FIGN: variants seen among roughly 807,000 people sequenced by gnomAD.
FIGN encodes the protein fidgetin.
FIGN carries 11 observed loss-of-function variants against 51.3 expected under a neutral mutation model. The ratio of observed to expected loss-of-function variants is 0.21; its 90% CI spans 0.13 to 0.35. The LOEUF is 0.35. Ranked by LOEUF, FIGN falls within the 10% of genes least tolerant of loss-of-function variation. The probability of loss-of-function intolerance (pLI) is 1.00; values close to 1 mark genes in which losing one functional copy is unlikely to be tolerated. For synonymous variants in FIGN, 407 were observed against 363.2 expected (o/e 1.12, Z -1.37); for missense variants, 857 against 943.6 (o/e 0.91, Z 1.20).
At chr2:163,723,355 A>G (rs1176571513) in intron 2 of FIGN, among the ~76,000 whole-genome samples, 2 of 152,176 alleles carry the variant, frequency 1.3e-5, no homozygotes, top group African/African-American at 2.4e-5. Context: ...AATGAATTAG[A>G]TGTGTGTGCT....
rs568599716 is a variant in FIGN, at chr2:163,630,103, G to A, written c.26-18297C>T. ...AGCCTCCCAAGTAGCCAGGAATACA[G>A]ACAGGCACATGCTACCCATGCCTAG... On this transcript the variant is annotated intron_variant, in intron 2 of 2. Coordinates refer to ENST00000333129, the MANE Select transcript of FIGN (RefSeq NM_018086.4). 2.0e-5 allele frequency among the ~76,000 whole-genome samples: 3 copies of A among 151,586 alleles called. No individual in the cohort carries two copies. In the South Asian group the frequency reaches 6.3e-4, roughly 32 times the overall value.
At chr2:163,702,292 C>G (rs1684420707) in intron 2 of FIGN, among the ~76,000 whole-genome samples, 1 of 152,098 alleles carries the variant, frequency 6.6e-6, no homozygotes, top group Non-Finnish European at 1.5e-5. Context: ...TCCACAAAAC[C>G]AGGATCTGCA....
At chr2:163,720,170 T>C (rs1684734293) in intron 2 of FIGN, among the ~76,000 whole-genome samples, 4 of 152,338 alleles carry the variant, frequency 2.6e-5, no homozygotes, top group Admixed American at 2.0e-4. Flanking sequence ...ATTGCTTAAA[T>C]GATTTATACC....
chr2:163,632,533 A>G (rs1683161104), intron 2 of FIGN, among the ~76,000 whole-genome samples: 1 of 152,228 alleles, frequency 6.6e-6, no homozygotes, highest in South Asian at 2.1e-4. Context: ...CTGCGGGGAG[A>G]GACCTGGAGA....
chr2:163,660,682 T>C (rs1197568631), intron 2 of FIGN, among the ~76,000 whole-genome samples: 2 of 128,696 alleles, frequency 1.6e-5, no homozygotes, highest in African/African-American at 5.9e-5. Flanking sequence ...TATATATATA[T>C]ATACACATAT....
chr2:163,620,962 G>C (rs1682959581), intron 2 of FIGN, among the ~76,000 whole-genome samples: 1 of 151,292 alleles, frequency 6.6e-6, no homozygotes, highest in African/African-American at 2.4e-5. Flanking sequence ...AACACACCAA[G>C]CTGAAAACGG....
intron 2 of FIGN, among the ~76,000 whole-genome samples, chr2:163,714,294 T>C (rs943520681): frequency 6.6e-6 from 1 of 152,178 alleles, no homozygotes; most frequent in Non-Finnish European, 1.5e-5. Context: ...GCAGACAGGA[T>C]TTACCAGACT....
At position 163,603,108 on chromosome 2, in the gene FIGN, G is replaced by C. The variant is rs1422296325; in HGVS notation, c.*6444C>G. On this transcript the variant is annotated 3_prime_UTR_variant, in exon 3 of 3. Transcript: ENST00000333129. ...CAAATTATATGAATTCATTTTGCAAGTGATGGATAATTTAAGCTTTCATCA... is the reference window on the plus strand; with the variant it reads ...CAAATTATATGAATTCATTTTGCAACTGATGGATAATTTAAGCTTTCATCA... 6.6e-6 allele frequency: 1 copy of C among 152,038 alleles called. No homozygotes were observed. 9.4% of individuals were successfully genotyped at this position (152,038 alleles called of 1,614,324 possible). A position where few individuals can be genotyped will look rare whatever the true frequency, so the allele number is the denominator to read the frequency against.
chr2:163,649,030 G>A (rs1488021409), intron 2 of FIGN, among the ~76,000 whole-genome samples: 1 of 151,964 alleles, frequency 6.6e-6, no homozygotes, highest in African/African-American at 2.4e-5. Context: ...TCTTAATGAG[G>A]TACTCTATTC....
chr2:163,639,698 TAAC>T (rs1252818233), intron 2 of FIGN, among the ~76,000 whole-genome samples: 1 of 152,120 alleles, frequency 6.6e-6, no homozygotes. Context: ...GTTACATCAT[TAAC>T]AACAACAACA....
At chr2:163,713,249 C>T (rs1282208707) in intron 2 of FIGN, among the ~76,000 whole-genome samples, 1 of 152,140 alleles carries the variant, frequency 6.6e-6, no homozygotes, top group East Asian at 1.9e-4. Context: ...ACAAGTAGCA[C>T]ATATGATCAG....
At chr2:163,706,149 G>A (rs1248359077) in intron 2 of FIGN, among the ~76,000 whole-genome samples, 1 of 152,090 alleles carries the variant, frequency 6.6e-6, no homozygotes, top group Non-Finnish European at 1.5e-5. Flanking sequence ...CTTGTTAAAT[G>A]CTACGCAAAT....
At chr2:163,681,952 G>A (rs1684071639) in intron 2 of FIGN, among the ~76,000 whole-genome samples, 1 of 152,184 alleles carries the variant, frequency 6.6e-6, no homozygotes, top group South Asian at 2.1e-4. Flanking sequence ...GCAAGTGTGA[G>A]TTGGCTCACA....
chr2:163,731,704 T>G (rs1224496703), intron 2 of FIGN, among the ~76,000 whole-genome samples: 2 of 148,456 alleles, frequency 1.3e-5, no homozygotes, highest in Non-Finnish European at 3.0e-5. Flanking sequence ...AGAAAAATAC[T>G]CTATTTTCAG....
chr2:163,615,631 G>A (rs1157646446), intron 2 of FIGN, among the ~76,000 whole-genome samples: 2 of 152,062 alleles, frequency 1.3e-5, no homozygotes. Flanking sequence ...ACTTAACTTG[G>A]CACTCAAATA....
At chr2:163,727,153 A>G (rs1181203448) in intron 2 of FIGN, among the ~76,000 whole-genome samples, 1 of 152,122 alleles carries the variant, frequency 6.6e-6, no homozygotes, top group African/African-American at 2.4e-5. Context: ...TCTTTTTGGC[A>G]CAACAATATA....
chr2:163,658,595 A>T (rs1358131255), intron 2 of FIGN, among the ~76,000 whole-genome samples: 3 of 152,156 alleles, frequency 2.0e-5, no homozygotes, highest in Non-Finnish European at 4.4e-5. Flanking sequence ...CAGGCATCTG[A>T]CATGGCAAGA....
intron 2 of FIGN, among the ~76,000 whole-genome samples, chr2:163,713,706 G>T (rs1336779237): frequency 6.6e-6 from 1 of 152,174 alleles, no homozygotes; most frequent in Non-Finnish European, 1.5e-5. Flanking sequence ...GTGAGCCGGA[G>T]AATTTCCAGC....
At chr2:163,714,248 C>T (rs930665822) in intron 2 of FIGN, among the ~76,000 whole-genome samples, 1 of 152,192 alleles carries the variant, frequency 6.6e-6, no homozygotes, top group African/African-American at 2.4e-5. Flanking sequence ...CCAGCATTCC[C>T]TCACCACATA....
Sources: gnomAD v4.1 joint callset for allele counts (sites outside exome capture counted in the v4.1 genomes callset) on GRCh38, gnomAD v4.1.1 for gene constraint, MANE v1.5 for transcripts, NCBI Gene and HGNC (gene_info 2026-07-23, HGNC 2026-07-21) for gene names.